Variants in ZNF875 observed in about 807,000 individuals in gnomAD.
ZNF875 encodes the protein zinc finger protein 875, also known as HKR1, GLI-Kruppel zinc finger family member.
In ZNF875, 14 loss-of-function variants were observed where a neutral mutation model predicts 11.2. The observed-to-expected ratio is 1.26, with a 90% confidence interval of 0.83 to 1.96. ZNF875 has a LOEUF of 1.96. Among genes scored for constraint, ZNF875 ranks in the 30% most tolerant of loss-of-function variants. The pLI is 0.00. For synonymous variants in ZNF875, 301 were observed against 281.1 expected (o/e 1.07, Z -0.71); for missense variants, 752 against 760.4 (o/e 0.99, Z 0.13).
chr19:37,324,838 G>C (rs955264376), intron 4 of ZNF875: 2 of 156,294 alleles, frequency 1.3e-5, no homozygotes, highest in African/African-American at 2.4e-5. Flanking sequence ...GTAGTATGGC[G>C]ATCTCTGCTC....
chr19:37,318,115 G>C (rs1042978008), exon 1 of ZNF875: 2 of 154,304 alleles, frequency 1.3e-5, no homozygotes, highest in Non-Finnish European at 2.9e-5. Flanking sequence ...TCCGTCCACC[G>C]GACTCGTGGG....
chr19:37,330,529 C>G (rs1442360320), upstream of ZNF875, among the ~76,000 whole-genome samples: 1 of 152,172 alleles, frequency 6.6e-6, no homozygotes, highest in East Asian at 1.9e-4. Flanking sequence ...AAGCCCCCAT[C>G]TCAGCCCCAT....
chr19:37,362,578 T>G lies in ZNF875; in HGVS notation c.726T>G (p.Leu242=). 6.2e-7 allele frequency: 1 copy of G among 1,614,138 alleles called. No individual in the cohort carries two copies. The highest frequency in any genetic ancestry group is 8.5e-7 in the Non-Finnish European group (1 of 1,180,024). ...GPGFIKESNL[L]SLQKTQTGET... ...GCTTTATCAAGGAGTCAAACCTCCT[T>G]AGCCTCCAGAAGACACAAACTGGGG... Residue 242 remains leucine (L), a synonymous_variant, in exon 5 of 5, where the codon CTT becomes CTG. Transcript: ENST00000392153.
chr19:37,362,821 G>A lies in ZNF875; in HGVS notation c.969G>A (p.Ser323=), dbSNP rs193293988. ...KDCGRGFTWK[S]NLFTHQRTHS... ...GTGGACGAGGCTTTACTTGGAAGTC[G>A]AACCTCTTTACACATCAGCGGACAC... The change falls in exon 5 of 5, where the codon TCG becomes TCA. Residue 323 remains serine, a synonymous_variant. Coordinates refer to ENST00000392153, the MANE Select transcript of ZNF875 (RefSeq NM_001353803.2). The A allele has an allele frequency of 1.5e-5, 24 of 1,612,518 alleles. No individual in the cohort carries two copies. The highest frequency in any genetic ancestry group is 4.5e-5 in the East Asian group (2 of 44,674).
chr19:37,322,749 C>T (rs955896093), intron 2 of ZNF875, among the ~76,000 whole-genome samples: 3 of 152,148 alleles, frequency 2.0e-5, no homozygotes, highest in Admixed American at 6.5e-5. Context: ...GTAAACACTT[C>T]CTGGGGTGTT....
chr19:37,332,725 T>C (rs1329501326), upstream of ZNF875, among the ~76,000 whole-genome samples: 1 of 152,228 alleles, frequency 6.6e-6, no homozygotes, highest in Admixed American at 6.5e-5. Flanking sequence ...ATTTGCTTTT[T>C]TGTTTTTTGC....
At chr19:37,318,528 T>C (rs1385484363) in intron 1 of ZNF875, among the ~76,000 whole-genome samples, 1 of 151,270 alleles carries the variant, frequency 6.6e-6, no homozygotes, top group Admixed American at 6.6e-5. Context: ...TGTTTTCTTT[T>C]TTTTTTTTTT....
chr19:37,344,635 C>T (rs1360851953), intron 2 of ZNF875: 1 of 1,553,308 alleles, frequency 6.4e-7, no homozygotes, highest in Non-Finnish European at 8.9e-7. Flanking sequence ...ATTAACTCCC[C>T]CAAGCTTCTA....
At chr19:37,316,514 C>A (rs573405856), upstream of ZNF875, among the ~76,000 whole-genome samples, 1 of 151,738 alleles carries the variant, frequency 6.6e-6, no homozygotes, top group Non-Finnish European at 1.5e-5. Flanking sequence ...CGATTACAGG[C>A]ATGTGCCACC....
intron 4 of ZNF875, among the ~76,000 whole-genome samples, chr19:37,352,319 T>C (rs2038056373): frequency 6.6e-6 from 1 of 151,696 alleles, no homozygotes; most frequent in Non-Finnish European, 1.5e-5. Flanking sequence ...ACCAAACACC[T>C]CTTAAAGGCC....
chr19:37,341,975 C>G (rs532449878), intron 2 of ZNF875, among the ~76,000 whole-genome samples: 87 of 152,326 alleles, frequency 5.7e-4, no homozygotes, highest in Non-Finnish European at 9.8e-4. Context: ...ATCCTTTGGA[C>G]TTCCTTGAAA....
intron 4 of ZNF875, 33 bp from the exon 5 acceptor site, chr19:37,362,076 A>G (rs769885438): frequency 2.6e-6 from 4 of 1,521,114 alleles, no homozygotes; most frequent in East Asian, 4.5e-5. Context: ...AGCCCTACCT[A>G]TGGCCCCTCT....
At chr19:37,339,189 C>G (rs1195742112) in intron 2 of ZNF875, among the ~76,000 whole-genome samples, 1 of 151,762 alleles carries the variant, frequency 6.6e-6, no homozygotes, top group Non-Finnish European at 1.5e-5. Flanking sequence ...TATATGCGCT[C>G]ACACCCCTGC....
At chr19:37,355,601 T>C (rs1049464052) in intron 4 of ZNF875, among the ~76,000 whole-genome samples, 2 of 152,228 alleles carry the variant, frequency 1.3e-5, no homozygotes, top group African/African-American at 2.4e-5. Flanking sequence ...TTGCCTGTTA[T>C]CTACCATTCG....
chr19:37,332,526 C>G (rs1171963311), upstream of ZNF875, among the ~76,000 whole-genome samples: 2 of 151,982 alleles, frequency 1.3e-5, no homozygotes, highest in African/African-American at 4.8e-5. Context: ...CAACTTCTTG[C>G]TCTTTTTGCC....
chr19:37,340,049 C>T (rs1163392216), intron 2 of ZNF875, among the ~76,000 whole-genome samples: 1 of 151,906 alleles, frequency 6.6e-6, no homozygotes, highest in East Asian at 1.9e-4. Flanking sequence ...ATGGCATGAT[C>T]TCAGCTCACT....
chr19:37,321,240 G>C (rs2031377822), intron 1 of ZNF875, among the ~76,000 whole-genome samples: 1 of 152,140 alleles, frequency 6.6e-6, no homozygotes, highest in Non-Finnish European at 1.5e-5. Context: ...AGTAAAAGAG[G>C]AGGGCCTCTG....
intron 1 of ZNF875, among the ~76,000 whole-genome samples, chr19:37,321,863 G>A (rs2031535488): frequency 6.6e-6 from 1 of 152,158 alleles, no homozygotes; most frequent in Admixed American, 6.5e-5. Context: ...AACTACCACA[G>A]CAACATGCCT....
chr19:37,363,040 C>T lies in ZNF875; in HGVS notation c.1188C>T (p.Cys396=). The T allele has an allele frequency of 2.5e-6, 4 of 1,614,168 alleles. No individual in the cohort carries two copies. The highest frequency in any genetic ancestry group is 3.4e-6 in the Non-Finnish European group (4 of 1,180,032). The part of the protein sequence containing the change: ...RTHSGEKPYI[C]RECEQGFSQK... ...ATTCAGGAGAGAAGCCTTACATTTG[C>T]AGGGAGTGTGAGCAAGGCTTTAGCC... Residue 396 remains cysteine, a synonymous_variant, in exon 5 of 5, where the codon TGC becomes TGT. Coordinates refer to ENST00000392153, the MANE Select transcript of ZNF875 (RefSeq NM_001353803.2).
Sources: allele counts gnomAD v4.1 joint callset (sites outside exome capture counted in the v4.1 genomes callset), GRCh38; gene constraint gnomAD v4.1.1; transcripts MANE v1.5; gene names NCBI Gene and HGNC (gene_info 2026-07-23, HGNC 2026-07-21).